The following PARVB variants were observed in gnomAD, a reference collection of about 807,000 sequenced individuals.
The protein encoded by PARVB is beta-parvin.
PARVB carries 46 observed loss-of-function variants against 47.0 expected under a neutral mutation model. The observed-to-expected ratio is 0.98, with a 90% CI of 0.77 to 1.25. The LOEUF is 1.25. PARVB is among the 50% of genes most tolerant of loss of function. The pLI, the probability that PARVB is intolerant of heterozygous loss-of-function variation, is 0.00. For missense variants in PARVB, 473 were observed against 471.6 expected (o/e 1.00, Z -0.03); for synonymous variants, 196 against 196.3 (o/e 1.00, Z 0.01).
chr22:44,023,537 C>CAAAACAAAACAAAATAAAAT (rs1416034853), upstream of PARVB, among the ~76,000 whole-genome samples: 1 of 127,300 alleles, frequency 7.9e-6, no homozygotes, highest in African/African-American at 3.0e-5. Flanking sequence ...TAAAACAAAA[C>CAAAACAAAACAAAATAAAAT]AAAATAAAAT....
chr22:44,047,895 T>G (rs2051141397), intron 1 of PARVB, among the ~76,000 whole-genome samples: 1 of 152,144 alleles, frequency 6.6e-6, no homozygotes, highest in Non-Finnish European at 1.5e-5. Flanking sequence ...CCCTTCAGCA[T>G]CTTGGGGGTG....
intron 2 of PARVB, among the ~76,000 whole-genome samples, chr22:44,095,933 G>C (rs143001607): frequency 1.3e-4 from 20 of 152,280 alleles, no homozygotes; most frequent in Non-Finnish European, 2.5e-4. Context: ...GCTTAGAAGA[G>C]AGTGGCCCCA....
At chr22:44,112,750 G>C (rs10433315) in intron 3 of PARVB, 1 of 6,942 alleles carries the variant, frequency 1.4e-4, no homozygotes, top group Non-Finnish European at 2.2e-4. Flanking sequence ...GTAAGGCCCT[G>C]CACCAACACA....
chr22:44,038,769 G>A (rs1164640707), intron 1 of PARVB, among the ~76,000 whole-genome samples: 1 of 152,110 alleles, frequency 6.6e-6, no homozygotes, highest in Non-Finnish European at 1.5e-5. Flanking sequence ...GCGACAGAGT[G>A]AGACTCCATC....
intron 4 of PARVB, among the ~76,000 whole-genome samples, chr22:44,122,320 G>A (rs909330455): frequency 6.6e-6 from 1 of 152,064 alleles, no homozygotes; most frequent in Non-Finnish European, 1.5e-5. Context: ...GTGGGACCTC[G>A]TCTCTACAAA....
At chr22:44,035,416 G>T (rs2050903076) in intron 1 of PARVB, among the ~76,000 whole-genome samples, 1 of 149,030 alleles carries the variant, frequency 6.7e-6, no homozygotes, top group African/African-American at 2.5e-5. Flanking sequence ...TGTTGCCCAG[G>T]CTGGAGTGCA....
chr22:44,129,593 C>T (rs2053265841), intron 4 of PARVB, among the ~76,000 whole-genome samples: 1 of 152,200 alleles, frequency 6.6e-6, no homozygotes, highest in Non-Finnish European at 1.5e-5. Flanking sequence ...CTGCTCTGCC[C>T]TTTCCATGGT....
intron 2 of PARVB, among the ~76,000 whole-genome samples, chr22:44,003,734 TC>T (rs1372871736): frequency 6.6e-6 from 1 of 152,148 alleles, no homozygotes; most frequent in Non-Finnish European, 1.5e-5. Context: ...GATTCTCACT[TC>T]CTTTGTTCGC....
At chr22:44,147,955 C>T (rs375465456) in intron 9 of PARVB, 33 bp downstream of exon 9, 4 of 1,585,758 alleles carry the variant, frequency 2.5e-6, no homozygotes, top group Non-Finnish European at 3.5e-6. Flanking sequence ...GATGTGCTCT[C>T]CCCTGGCTCG....
intron 6 of PARVB, among the ~76,000 whole-genome samples, 180 bp downstream of exon 6, chr22:44,133,189 A>G (rs899300005): frequency 1.3e-5 from 2 of 152,004 alleles, no homozygotes; most frequent in Middle Eastern, 3.2e-3. Flanking sequence ...AACGGGAACA[A>G]TGGCATTGAT....
rs2053167313 is a variant in PARVB at position 44,125,484 on chromosome 22, G to A, written c.377-6003G>A. 6.6e-6 allele frequency among the ~76,000 whole-genome samples: 1 copy of A among 152,170 alleles called. No homozygotes were observed. The highest frequency in any genetic ancestry group is 6.5e-5 in the Admixed American group (1 of 15,292). On this transcript the variant is annotated intron_variant, in intron 4 of 12. Coordinates refer to ENST00000338758, the MANE Select transcript of PARVB (RefSeq NM_013327.5). This position sits in a 1 kb window ranked among gnomAD's most constrained non-coding sequence, Gnocchi z 4.1. ...GGGTACAGTGGTGGGTGGGGGTTGGGGAAGGCAATCCAGGGAAGCTCCTCT... is the reference window on the plus strand; with the variant it reads ...GGGTACAGTGGTGGGTGGGGGTTGGAGAAGGCAATCCAGGGAAGCTCCTCT...
chr22:44,103,324 G>A lies in PARVB; in HGVS notation c.273+3201G>A, dbSNP rs1391694316. 2.0e-5 allele frequency: 3 copies of A among 152,366 alleles called. No individual in the cohort carries two copies. The East Asian group carries it at 5.8e-4, about 29-fold the overall frequency. 9.4% of individuals were successfully genotyped at this position (152,366 alleles called of 1,614,324 possible). On this transcript the variant is annotated intron_variant, in intron 3 of 12. Coordinates refer to ENST00000338758, the MANE Select transcript of PARVB (RefSeq NM_013327.5). The surrounding 1 kb of genome is among the most constrained non-coding windows in gnomAD (Gnocchi z 4.6). ...CCCGACTTCCCTGATGTGGGCTTCT[G>A]AGACCATGGCTCATGGAGATGGGCT... is the stretch of plus-strand genomic sequence containing the variant.
intron 1 of PARVB, among the ~76,000 whole-genome samples, chr22:44,065,842 GGT>G (rs3831714): frequency 6.9e-6 from 1 of 144,844 alleles, no homozygotes; most frequent in South Asian, 2.2e-4. Flanking sequence ...AGTATTCCAT[GGT>G]GTGTGTGTGT....
intron 1 of PARVB, among the ~76,000 whole-genome samples, chr22:44,048,936 C>T (rs542864807): frequency 1.3e-5 from 2 of 152,102 alleles, no homozygotes; most frequent in African/African-American, 2.4e-5. Flanking sequence ...GTGATCTGTC[C>T]ACTTTGGCCT....
At chr22:44,073,915 G>A (rs955676239) in intron 1 of PARVB, among the ~76,000 whole-genome samples, 2 of 152,236 alleles carry the variant, frequency 1.3e-5, no homozygotes, top group Non-Finnish European at 1.5e-5. Context: ...CATTTAATCC[G>A]CAGCACTGGA....
rs2051163376 is a variant in PARVB at position 44,049,084 on chromosome 22, T to C, written c.112+24633T>C. ...GGGCTGCAGGTCCAGGCTTTCCGGC[T>C]CCAGGGCTGGTGCCCTCTGTCCTGT... On this transcript the variant is annotated intron_variant, in intron 1 of 12. Coordinates refer to ENST00000338758, the MANE Select transcript of PARVB (RefSeq NM_013327.5). The surrounding 1 kb of genome is among the most constrained non-coding windows in gnomAD (Gnocchi z 4.0). 6.6e-6 allele frequency among the ~76,000 whole-genome samples: 1 copy of C among 152,108 alleles called. No homozygotes were observed. The highest frequency in any genetic ancestry group is 2.1e-4 in the South Asian group (1 of 4,832).
At chr22:44,026,360 T>A (rs1048876251) in intron 1 of PARVB, 7 of 985,470 alleles carry the variant, frequency 7.1e-6, no homozygotes, top group Admixed American at 1.2e-4. Context: ...GCACTGCTGA[T>A]GCTGCTTTCG....
chr22:44,060,613 A>G (rs1413949993), intron 1 of PARVB, among the ~76,000 whole-genome samples: 1 of 152,022 alleles, frequency 6.6e-6, no homozygotes, highest in African/African-American at 2.4e-5. Flanking sequence ...TTCGGCATTA[A>G]TATCTGGACA....
chr22:44,160,732 A>C (rs2054032776), intron 11 of PARVB, among the ~76,000 whole-genome samples: 1 of 152,116 alleles, frequency 6.6e-6, no homozygotes. Context: ...CAGAAGGAAA[A>C]TCTCACTTCA....
Sources: allele counts gnomAD v4.1 joint callset (sites outside exome capture counted in the v4.1 genomes callset), GRCh38; gene constraint gnomAD v4.1.1; non-coding constraint Gnocchi (gnomAD v3.1); transcripts MANE v1.5; gene names NCBI Gene and HGNC (gene_info 2026-07-23, HGNC 2026-07-21).